LRRTM4: variants seen among roughly 807,000 people sequenced by gnomAD.
The protein encoded by LRRTM4 is leucine-rich repeat transmembrane neuronal protein 4.
A neutral mutation model predicts 47.6 loss-of-function variants in LRRTM4; 25 were observed. That is an observed-to-expected ratio of 0.53 (90% CI 0.38 to 0.73). LRRTM4 has a LOEUF of 0.73. LRRTM4 is among the 30% of genes least tolerant of loss of function. The pLI, the probability that LRRTM4 is intolerant of heterozygous loss-of-function variation, is 0.00. For missense variants in LRRTM4, 638 were observed against 713.4 expected (o/e 0.89, Z 1.20); for synonymous variants, 311 against 269.5 (o/e 1.15, Z -1.51).
intron 3 of LRRTM4, among the ~76,000 whole-genome samples, chr2:77,382,381 T>C (rs753227623): frequency 8.5e-5 from 13 of 152,120 alleles, no homozygotes; most frequent in Non-Finnish European, 1.5e-4. Context: ...CTACAGGCTC[T>C]GGATAAAGGG....
At chr2:77,460,309 G>T (rs1164084204) in intron 3 of LRRTM4, among the ~76,000 whole-genome samples, 2 of 151,994 alleles carry the variant, frequency 1.3e-5, no homozygotes, top group Admixed American at 1.3e-4. Context: ...ATGTGTAGTG[G>T]GAGGAGTCTA....
intron 3 of LRRTM4, among the ~76,000 whole-genome samples, chr2:76,790,699 A>AC (rs147399412): frequency 0.045 from 6,561 of 145,708 alleles, 140 homozygotes; most frequent in Admixed American, 0.057. Flanking sequence ...AATTGGATAG[A>AC]CCCCCCCCCA....
intron 3 of LRRTM4, among the ~76,000 whole-genome samples, chr2:76,821,498 T>C (rs778481531): frequency 2.0e-5 from 3 of 151,432 alleles, no homozygotes; most frequent in Non-Finnish European, 4.4e-5. Context: ...TCACAAGAAA[T>C]CTAAAGGCAC....
intron 3 of LRRTM4, among the ~76,000 whole-genome samples, chr2:77,074,189 T>A (rs1680258082): frequency 6.6e-6 from 1 of 152,174 alleles, no homozygotes; most frequent in African/African-American, 2.4e-5. Context: ...TTTATGATTT[T>A]GTTTTATCAT....
At chr2:77,059,957 T>C (rs993645878) in intron 3 of LRRTM4, among the ~76,000 whole-genome samples, 1 of 152,198 alleles carries the variant, frequency 6.6e-6, no homozygotes, top group African/African-American at 2.4e-5. Context: ...TGTTCTTTGT[T>C]TTTTGTATCT....
intron 3 of LRRTM4, among the ~76,000 whole-genome samples, chr2:76,977,581 T>A (rs1167127306): frequency 6.6e-6 from 1 of 151,724 alleles, no homozygotes. Context: ...TACCTCTCAA[T>A]GCCCAAGGCA....
At chr2:76,918,808 C>T (rs1674338430) in intron 3 of LRRTM4, among the ~76,000 whole-genome samples, 1 of 152,088 alleles carries the variant, frequency 6.6e-6, no homozygotes, top group Non-Finnish European at 1.5e-5. Flanking sequence ...CAGAAGAAAT[C>T]CTTAGAAAGA....
chr2:76,768,668 T>C (rs1413151506), intron 3 of LRRTM4, among the ~76,000 whole-genome samples: 1 of 152,100 alleles, frequency 6.6e-6, no homozygotes, highest in East Asian at 1.9e-4. Flanking sequence ...TTTTTCCTCT[T>C]ATAGGTACAA....
chr2:76,815,844 A>G lies in LRRTM4; in HGVS notation c.1552-66928T>C, dbSNP rs775992384. On this transcript the variant is annotated intron_variant, in intron 3 of 3. Coordinates refer to ENST00000409884, the MANE Select transcript of LRRTM4 (RefSeq NM_001134745.3). Reference sequence around the variant, plus strand: ...TACAAATATAGAGAAATGAATTTGTATATTTTGAATATGTTAGCTTCCACC... The same window carrying G: ...TACAAATATAGAGAAATGAATTTGTGTATTTTGAATATGTTAGCTTCCACC... 1.5e-3 allele frequency among the ~76,000 whole-genome samples: 226 copies of G among 152,288 alleles called. 1 individual carries two copies. The highest frequency in any genetic ancestry group is 6.8e-3 in the Middle Eastern group (2 of 294).
At chr2:76,779,569 G>A (rs1301273949) in intron 3 of LRRTM4, among the ~76,000 whole-genome samples, 2 of 148,480 alleles carry the variant, frequency 1.3e-5, no homozygotes, top group Non-Finnish European at 3.0e-5. Context: ...TTTTATCAGA[G>A]ACTAGGATTG....
intron 3 of LRRTM4, among the ~76,000 whole-genome samples, chr2:77,211,451 CAA>C (rs754623872): frequency 1.3e-5 from 2 of 152,126 alleles, no homozygotes; most frequent in African/African-American, 2.4e-5. Context: ...GAAAGGGAAA[CAA>C]ATCTGAGAGC....
intron 3 of LRRTM4, among the ~76,000 whole-genome samples, chr2:76,903,827 G>A (rs549389488): frequency 3.3e-5 from 5 of 152,148 alleles, no homozygotes; most frequent in African/African-American, 7.2e-5. Flanking sequence ...AGGTGGCATC[G>A]AGAAAAGGTG....
chr2:77,424,897 T>C (rs185373032), intron 3 of LRRTM4, among the ~76,000 whole-genome samples: 8 of 152,296 alleles, frequency 5.3e-5, no homozygotes, highest in South Asian at 2.1e-4. Context: ...TGGTTGTTTT[T>C]ATTAAAATTT....
At chr2:76,982,024 A>G (rs1676626994) in intron 3 of LRRTM4, among the ~76,000 whole-genome samples, 1 of 152,072 alleles carries the variant, frequency 6.6e-6, no homozygotes, top group African/African-American at 2.4e-5. Flanking sequence ...ACTTAAAAGC[A>G]TATTTGCTAA....
intron 3 of LRRTM4, among the ~76,000 whole-genome samples, chr2:77,511,626 T>C (rs1235288817): frequency 6.6e-6 from 1 of 151,960 alleles, no homozygotes; most frequent in African/African-American, 2.4e-5. Flanking sequence ...AAGGTTATGG[T>C]ATTTATTATT....
At position 77,333,578 on chromosome 2, in the gene LRRTM4, G is replaced by C. The variant is rs564767957; in HGVS notation, c.1551+184740C>G. On this transcript the variant is annotated intron_variant, in intron 3 of 3. Transcript: ENST00000409884. Reference sequence around the variant, plus strand: ...GCTTCCATGTGGTTTGAGACTGTGGGTGCAGAGAAGTCAAGAATTGAGGTT... The same window carrying C: ...GCTTCCATGTGGTTTGAGACTGTGGCTGCAGAGAAGTCAAGAATTGAGGTT... Among the ~76,000 whole-genome samples the C allele has an allele frequency of 2.5e-4, 38 of 152,282 alleles. No individual in the cohort carries two copies. The South Asian group carries it at 6.2e-3, about 25-fold the overall frequency.
At chr2:76,846,093 G>A (rs1326508461) in intron 3 of LRRTM4, among the ~76,000 whole-genome samples, 1 of 152,092 alleles carries the variant, frequency 6.6e-6, no homozygotes, top group Non-Finnish European at 1.5e-5. Flanking sequence ...TGGGACTTGA[G>A]CATGTGCAGA....
intron 3 of LRRTM4, among the ~76,000 whole-genome samples, chr2:77,071,274 T>C: frequency 6.6e-6 from 1 of 152,214 alleles, no homozygotes; most frequent in East Asian, 1.9e-4. Flanking sequence ...TGCTTCAGAA[T>C]GCTCCAACAA....
intron 3 of LRRTM4, among the ~76,000 whole-genome samples, chr2:76,962,936 T>C (rs1675906989): frequency 6.6e-6 from 1 of 150,754 alleles, no homozygotes; most frequent in African/African-American, 2.4e-5. Context: ...AGCACACTTA[T>C]ACACACAAAC....
Sources: gnomAD v4.1 joint callset for allele counts (sites outside exome capture counted in the v4.1 genomes callset) on GRCh38, gnomAD v4.1.1 for gene constraint, MANE v1.5 for transcripts, NCBI Gene and HGNC (gene_info 2026-07-23, HGNC 2026-07-21) for gene names.